Variants in FRMD3 observed in about 807,000 individuals in gnomAD.
The protein encoded by FRMD3 is FERM domain containing 3.
A neutral mutation model predicts 70.2 loss-of-function variants in FRMD3; 33 were observed. The ratio of observed to expected loss-of-function variants is 0.47; its 90% CI spans 0.36 to 0.63. The LOEUF is 0.63. FRMD3 is among the 20% of genes least tolerant of loss of function. FRMD3 has a pLI of 0.00. For synonymous variants in FRMD3, 279 were observed against 255.9 expected (o/e 1.09, Z -0.86); for missense variants, 632 against 711.4 (o/e 0.89, Z 1.27).
chr9:83,309,430 C>A, intron 10 of FRMD3, 106 bp downstream of exon 10: 3 of 666,960 alleles, frequency 4.5e-6, no homozygotes, highest in South Asian at 2.3e-5. Context: ...TTAAATATAA[C>A]TTTTAAAACT....
chr9:83,277,092 G>A (rs1468971788), intron 13 of FRMD3, among the ~76,000 whole-genome samples: 2 of 152,212 alleles, frequency 1.3e-5, no homozygotes, highest in Admixed American at 1.3e-4. Context: ...ATGTGTGGAG[G>A]AAAGATGGTA....
At chr9:83,363,600 C>T (rs1824683090) in intron 3 of FRMD3, among the ~76,000 whole-genome samples, 1 of 136,830 alleles carries the variant, frequency 7.3e-6, no homozygotes, top group East Asian at 2.1e-4. Context: ...GTCGCCCAGG[C>T]TGGAGTGCAG....
At chr9:83,416,782 T>TCTCTCTCTCTCTCTCTCTCTCTCTCC (rs1826466279) in intron 1 of FRMD3, among the ~76,000 whole-genome samples, 1 of 99,142 alleles carries the variant, frequency 1.0e-5, no homozygotes, top group Non-Finnish European at 2.2e-5. Flanking sequence ...TCTCTCTCTC[T>TCTCTCTCTCTCTCTCTCTCTCTCTCC]CTCTCACTCT....
chr9:83,523,193 T>TGGAC (rs201604200), intron 1 of FRMD3, among the ~76,000 whole-genome samples: 107 of 130,296 alleles, frequency 8.2e-4, no homozygotes, highest in Admixed American at 1.2e-3. Context: ...GATGGATGGA[T>TGGAC]GGACGGACGG....
At chr9:83,273,111 T>C (rs112714795) in intron 13 of FRMD3, among the ~76,000 whole-genome samples, 27,067 of 137,556 alleles carry the variant, frequency 0.2, 2,593 homozygotes, top group African/African-American at 0.32. Flanking sequence ...TCTGCCCGGC[T>C]GCCACCCCAT....
intron 10 of FRMD3, among the ~76,000 whole-genome samples, chr9:83,306,578 G>C (rs1182261906): frequency 6.6e-6 from 1 of 152,042 alleles, no homozygotes; most frequent in Non-Finnish European, 1.5e-5. Flanking sequence ...CTCTCCTCTG[G>C]ATTCCTCTCT....
At chr9:83,549,986 G>A in the FRMD3 span, among the ~76,000 whole-genome samples, 17 of 152,182 alleles carry the variant, frequency 1.1e-4, no homozygotes, top group African/African-American at 4.1e-4. Context: ...TACTTTTGTT[G>A]CAATTGCTTT....
intron 13 of FRMD3, among the ~76,000 whole-genome samples, chr9:83,276,772 T>C (rs60619200): frequency 0.053 from 8,022 of 152,290 alleles, 542 homozygotes; most frequent in African/African-American, 0.16. Context: ...TGCAATGGTG[T>C]GATTTCAGCT....
intron 4 of FRMD3, among the ~76,000 whole-genome samples, chr9:83,345,442 C>G (rs925924544): frequency 1.3e-5 from 2 of 152,028 alleles, no homozygotes; most frequent in Admixed American, 6.6e-5. Context: ...CTTGGATGGG[C>G]TTGAGATTCT....
intron 3 of FRMD3, among the ~76,000 whole-genome samples, chr9:83,369,418 A>C (rs1483286897): frequency 6.6e-6 from 1 of 151,952 alleles, no homozygotes. Context: ...TCTACTAAAA[A>C]TACAAAAATT....
the FRMD3 span, among the ~76,000 whole-genome samples, chr9:83,582,512 G>A: frequency 6.6e-6 from 1 of 152,102 alleles, no homozygotes. Context: ...GTAAGAAAAG[G>A]TAGTAACTCC....
intron 8 of FRMD3, among the ~76,000 whole-genome samples, chr9:83,311,419 A>T (rs546523612): frequency 6.6e-6 from 1 of 152,204 alleles, no homozygotes; most frequent in Non-Finnish European, 1.5e-5. Flanking sequence ...GTAAGCCATC[A>T]TGAGTAGACA....
intron 1 of FRMD3, among the ~76,000 whole-genome samples, chr9:83,391,862 A>C (rs541032956): frequency 6.6e-6 from 1 of 152,284 alleles, no homozygotes; most frequent in East Asian, 1.9e-4. Flanking sequence ...ACAGATCAAC[A>C]CTATCACAGA....
At chr9:83,296,298 T>C (rs1341787480) in intron 12 of FRMD3, among the ~76,000 whole-genome samples, 1 of 152,200 alleles carries the variant, frequency 6.6e-6, no homozygotes, top group Non-Finnish European at 1.5e-5. Context: ...CAATGCTGTC[T>C]CTGGGGAGAT....
At chr9:83,416,975 T>C (rs2131350429) in intron 1 of FRMD3, among the ~76,000 whole-genome samples, 1 of 152,248 alleles carries the variant, frequency 6.6e-6, no homozygotes, top group East Asian at 1.9e-4. Flanking sequence ...CCCAACCACA[T>C]TCACCAAATT....
downstream of FRMD3, chr9:83,243,290 C>T (rs138720391): frequency 3.2e-5 from 46 of 1,418,298 alleles, no homozygotes; most frequent in East Asian, 1.5e-4. Context: ...AAGTAAGCAG[C>T]GACCTTCAGC....
intron 1 of FRMD3, among the ~76,000 whole-genome samples, chr9:83,506,461 GT>G (rs1188907532): frequency 1.3e-5 from 2 of 152,202 alleles, no homozygotes; most frequent in Non-Finnish European, 2.9e-5. Context: ...GCATGTGACT[GT>G]ACTGAATACT....
Position 83,538,087 on chromosome 9 carries a change from G to C in FRMD3, c.145C>G (p.Gln49Glu), listed in dbSNP as rs765830169. ...CCCTCGCCCGGTTCCACGCGCACCT[G>C]GATGTGGCAGGAGATCTCCGAGTCG... Reference protein sequence around the residue: ...LDDSEISCHIQRETKGQFLID... With the variant: ...LDDSEISCHIERETKGQFLID... Residue 49 changes from glutamine (Q) to glutamate (E), a missense_variant and splice_region_variant, in exon 1 of 14, where the codon CAG becomes GAG. By Grantham distance (29) the Gln-to-Glu change is conservative. Coordinates refer to ENST00000304195, the MANE Select transcript of FRMD3 (RefSeq NM_174938.6). The surrounding 1 kb of genome is among the most constrained non-coding windows in gnomAD (Gnocchi z 4.7). The C allele has an allele frequency of 1.9e-6, 3 of 1,612,560 alleles. No individual in the cohort carries two copies. In the South Asian group the frequency reaches 3.3e-5, roughly 18 times the overall value.
At chr9:83,361,775 G>A (rs1441538287) in intron 3 of FRMD3, among the ~76,000 whole-genome samples, 2 of 152,140 alleles carry the variant, frequency 1.3e-5, no homozygotes, top group African/African-American at 4.8e-5. Context: ...AGGAGAGTGA[G>A]ACTTTGACAC....
Sources: allele counts gnomAD v4.1 joint callset (sites outside exome capture counted in the v4.1 genomes callset), GRCh38; gene constraint gnomAD v4.1.1; non-coding constraint Gnocchi (gnomAD v3.1); transcripts MANE v1.5; gene names NCBI Gene and HGNC (gene_info 2026-07-23, HGNC 2026-07-21).